The following CD44 variants were observed in gnomAD, a reference collection of about 807,000 sequenced individuals.
The protein encoded by CD44 is CD44 antigen.
In CD44, 49 loss-of-function variants were observed where a neutral mutation model predicts 88.8. The observed-to-expected ratio is 0.55, with a 90% CI of 0.44 to 0.70. The LOEUF is 0.70. Among genes scored for constraint, CD44 ranks in the 30% least tolerant of loss-of-function variants. The probability of loss-of-function intolerance (pLI) is 0.00; values close to 1 mark genes in which losing one functional copy is unlikely to be tolerated. For synonymous variants in CD44, 325 were observed against 312.3 expected, an observed-to-expected ratio of 1.04 and a Z score of -0.43; for missense variants, 883 against 913.8, an observed-to-expected ratio of 0.97 and a Z score of 0.43.
chr11:35,217,457 G>A (rs1948932292), intron 15 of CD44, among the ~76,000 whole-genome samples: 1 of 152,094 alleles, frequency 6.6e-6, no homozygotes, highest in Non-Finnish European at 1.5e-5. Context: ...GAGTTGGGCA[G>A]GTGAAAACCT....
At chr11:35,153,483 ACT>A (rs926433886) in intron 1 of CD44, among the ~76,000 whole-genome samples, 2 of 152,000 alleles carry the variant, frequency 1.3e-5, no homozygotes, top group African/African-American at 2.4e-5. Context: ...ACTTGCCCAG[ACT>A]CTCTGAGCAA....
rs577431658 is a variant in CD44, at chr11:35,175,513, C to T, written c.68-1062C>T. Among the ~76,000 whole-genome samples, 67 of 152,168 alleles carry T rather than the reference C, an allele frequency of 4.4e-4. No individual in the cohort carries two copies. The South Asian group carries it at 0.013, about 30-fold the overall frequency. ...ACTTTATGTATATATGCATAAAGTACGTGTGTGCATGTGTGCACGTGTGAA... is the reference window on the plus strand; with the variant it reads ...ACTTTATGTATATATGCATAAAGTATGTGTGTGCATGTGTGCACGTGTGAA... On this transcript the variant is annotated intron_variant, in intron 1 of 17. Coordinates refer to ENST00000428726, the MANE Select transcript of CD44 (RefSeq NM_000610.4).
chr11:35,190,371 C>G, intron 5 of CD44: 1 of 414,310 alleles, frequency 2.4e-6, no homozygotes. Context: ...AGTAACAATT[C>G]AAGCCTGATA....
intron 1 of CD44, among the ~76,000 whole-genome samples, chr11:35,149,593 T>G (rs1377944312): frequency 2.0e-5 from 3 of 152,232 alleles, no homozygotes; most frequent in Non-Finnish European, 4.4e-5. Flanking sequence ...AGGCAAAGTA[T>G]TTCACCCCCA....
intron 1 of CD44, among the ~76,000 whole-genome samples, chr11:35,172,534 C>A (rs1565059311): frequency 6.6e-6 from 1 of 152,142 alleles, no homozygotes; most frequent in African/African-American, 2.4e-5. Flanking sequence ...TTTTTTCTCC[C>A]AAATTGATGT....
intron 1 of CD44, among the ~76,000 whole-genome samples, chr11:35,151,942 T>C (rs1430801196): frequency 6.6e-6 from 1 of 152,246 alleles, no homozygotes; most frequent in African/African-American, 2.4e-5. Flanking sequence ...CCAGACTTCC[T>C]GGCAAAGGGT....
chr11:35,179,866 G>A (rs2133708897), intron 2 of CD44, among the ~76,000 whole-genome samples: 1 of 152,268 alleles, frequency 6.6e-6, no homozygotes, highest in South Asian at 2.1e-4. Flanking sequence ...ATGGAAGCTG[G>A]CCATTTTGTG....
chr11:35,140,246 T>C (rs1188361685), intron 1 of CD44, among the ~76,000 whole-genome samples: 1 of 152,208 alleles, frequency 6.6e-6, no homozygotes, highest in Non-Finnish European at 1.5e-5. Context: ...GTGGTGGCTA[T>C]GGAGGGGAGG....
chr11:35,164,638 A>G (rs1310391846), intron 1 of CD44, among the ~76,000 whole-genome samples: 1 of 151,954 alleles, frequency 6.6e-6, no homozygotes, highest in African/African-American at 2.4e-5. Flanking sequence ...GGCCAAGTCC[A>G]CTATTTACCC....
At chr11:35,219,253 C>T in intron 15 of CD44, 63 bp from the exon 16 acceptor site, 1 of 1,257,590 alleles carries the variant, frequency 8.0e-7, no homozygotes, top group Non-Finnish European at 1.2e-6. Flanking sequence ...TTATGCAGCT[C>T]CACAAGGAAC....
chr11:35,196,435 C>T (rs1023362125), intron 5 of CD44, among the ~76,000 whole-genome samples: 37 of 152,036 alleles, frequency 2.4e-4, no homozygotes, highest in Non-Finnish European at 3.4e-4. Flanking sequence ...TTCCTGGAGC[C>T]CTCACTCTTG....
At position 35,229,162 on chromosome 11, in the gene CD44, T is replaced by G. The variant is rs767497781; in HGVS notation, c.2058T>G (p.Ser686Arg). The G allele has an allele frequency of 4.3e-6, 7 of 1,613,988 alleles. No homozygotes were observed. Among genetic ancestry groups the G allele is most frequent in the Admixed American group, 1.7e-5 (1 of 60,004 alleles). ...AGAAGAAAAAGCTAGTGATCAACAG[T>G]GGCAATGGAGCTGTGGAGGACAGAA... ...CGQKKKLVIN[S>R]GNGAVEDRKP... The change falls in exon 18 of 18, where the codon AGT becomes AGG. Residue 686 changes from serine to arginine, a missense_variant. Physicochemically the swap from Ser to Arg is moderately radical, Grantham distance 110 (BLOSUM62 -1). Around this residue, in one of 2 missense-constraint regions of CD44, gnomAD observed 631 missense variants for 590.9 expected, o/e 1.07. Coordinates refer to ENST00000428726, the MANE Select transcript of CD44 (RefSeq NM_000610.4).
intron 1 of CD44, among the ~76,000 whole-genome samples, chr11:35,139,765 C>G (rs1211325098): frequency 6.6e-6 from 1 of 152,348 alleles, no homozygotes; most frequent in South Asian, 2.1e-4. Context: ...CAGGGCAGAG[C>G]TGGGCGGGGC....
chr11:35,202,487 A>G (rs1191485955), intron 9 of CD44, among the ~76,000 whole-genome samples: 2 of 152,166 alleles, frequency 1.3e-5, no homozygotes, highest in African/African-American at 4.8e-5. Context: ...TTCTTCTTTT[A>G]TCTATCCCGC....
In CD44 at chr11:35,211,521, G is replaced by A. The variant is rs1459140462; in HGVS notation, c.1810+72G>A. On this transcript the variant is annotated intron_variant, in intron 14 of 17. Coordinates refer to ENST00000428726, the MANE Select transcript of CD44 (RefSeq NM_000610.4). ...CAATATATAGTTTCATATTACAGAG[G>A]ACATTTTCTGTGTAGTCTGGGATTG... 2.8e-5 allele frequency: 32 copies of A among 1,125,566 alleles called. No individual in the cohort carries two copies. In the East Asian group the frequency reaches 7.2e-4, roughly 25 times the overall value. 69.7% of individuals were successfully genotyped at this position (1,125,566 alleles called of 1,614,324 possible).
chr11:35,219,238 GCCCTTTATGCAGCT>G, intron 15 of CD44, 64 bp from the exon 16 acceptor site: 1 of 1,025,780 alleles, frequency 9.7e-7, no homozygotes, highest in East Asian at 2.4e-5. Flanking sequence ...GTGGAGAGCT[GCCCTTTATGCAGCT>G]CCACAAGGAA....
intron 14 of CD44, among the ~76,000 whole-genome samples, chr11:35,212,254 C>T (rs1948459741): frequency 6.6e-6 from 1 of 152,066 alleles, no homozygotes; most frequent in Non-Finnish European, 1.5e-5. Flanking sequence ...ATTCTGTCTT[C>T]CTAGTACTAG....
At chr11:35,141,812 G>A (rs1244993748) in intron 1 of CD44, among the ~76,000 whole-genome samples, 3 of 152,234 alleles carry the variant, frequency 2.0e-5, no homozygotes, top group Non-Finnish European at 4.4e-5. Context: ...ACTTGGAAAG[G>A]AGACATGACT....
intron 17 of CD44, chr11:35,222,836 C>T: frequency 1.0e-6 from 1 of 985,006 alleles, no homozygotes; most frequent in Non-Finnish European, 1.2e-6. Context: ...AACTTATTTC[C>T]AAGCAGGACC....
Sources: gnomAD v4.1 joint callset for allele counts (sites outside exome capture counted in the v4.1 genomes callset) on GRCh38, gnomAD v4.1.1 for gene constraint, gnomAD v4.1.1 regional missense constraint, MANE v1.5 for transcripts, NCBI Gene and HGNC (gene_info 2026-07-23, HGNC 2026-07-21) for gene names.